Variants in PTPRH observed in about 807,000 individuals in gnomAD.
PTPRH encodes receptor-type tyrosine-protein phosphatase H.
PTPRH carries 113 observed loss-of-function variants against 130.2 expected under a neutral mutation model. The observed-to-expected ratio is 0.87, with a 90% CI of 0.75 to 1.01. PTPRH has a LOEUF of 1.01. Ranked by LOEUF, PTPRH falls within the 50% of genes least tolerant of loss-of-function variation. The pLI is 0.00. For missense variants in PTPRH, 1,430 were observed against 1,425.0 expected, an observed-to-expected ratio of 1.00 and a Z score of -0.06; for synonymous variants, 556 against 577.9, an observed-to-expected ratio of 0.96 and a Z score of 0.54.
chr19:55,206,970 G>A lies in PTPRH; in HGVS notation c.86-15C>T. ...TGGGTTGGGGGCTGAGAATTGGGAA[G>A]GAAGGTCTGACAAAAAGGGAACCAG... On this transcript the variant is annotated splice_polypyrimidine_tract_variant and intron_variant, in intron 2 of 19. Transcript: ENST00000376350. The A allele has an allele frequency of 1.3e-6, 2 of 1,576,136 alleles. No homozygotes were observed. The highest frequency in any genetic ancestry group is 1.7e-6 in the Non-Finnish European group (2 of 1,159,060).
intron 1 of PTPRH, among the ~76,000 whole-genome samples, chr19:55,207,588 G>A (rs1297151188): frequency 6.7e-6 from 1 of 148,656 alleles, no homozygotes; most frequent in Non-Finnish European, 1.5e-5. Context: ...GGGGCCTGGG[G>A]GCCTGGGTCT....
Position 55,194,145 on chromosome 19 carries a change from TG to T in PTPRH, c.2257+2376del, listed in dbSNP as rs2147471054. ...GATTACAGGCGTGAGCCACCGCGCC[TG>T]GCTGATCTGGTGGTGTCTATGGGTG... On this transcript the variant is annotated intron_variant, in intron 10 of 19. Coordinates refer to ENST00000376350, the MANE Select transcript of PTPRH (RefSeq NM_002842.5). 3.1e-6 allele frequency: 4 copies of T among 1,288,062 alleles called. No individual in the cohort carries two copies. The South Asian group carries it at 3.7e-5, about 12-fold the overall frequency. 79.8% of individuals were successfully genotyped at this position (1,288,062 alleles called of 1,614,324 possible). A position where few individuals can be genotyped will look rare whatever the true frequency, so the allele number is the denominator to read the frequency against.
chr19:55,185,377 C>A, intron 18 of PTPRH, 125 bp downstream of exon 18: 1 of 1,047,954 alleles, frequency 9.5e-7, no homozygotes, highest in Non-Finnish European at 1.4e-6. Flanking sequence ...TTATCTTCCA[C>A]ATCCACCTCC....
chr19:55,185,990 G>A lies in PTPRH; in HGVS notation c.2779-6C>T, dbSNP rs759552258. The A allele has an allele frequency of 6.2e-7, 1 of 1,613,898 alleles. No homozygotes were observed. The highest frequency in any genetic ancestry group is 1.1e-5 in the South Asian group (1 of 91,086). ...CAGTAATGCTCACACTTCACCTGGG[G>A]GAGGAGGAGGGGTCAGAGAACACAA... On this transcript the variant is annotated splice_region_variant and splice_polypyrimidine_tract_variant and intron_variant, in intron 16 of 19. Transcript: ENST00000376350.
chr19:55,189,472 A>G (rs1255851577), intron 12 of PTPRH, among the ~76,000 whole-genome samples: 3 of 151,864 alleles, frequency 2.0e-5, no homozygotes, highest in African/African-American at 7.3e-5. Flanking sequence ...CTCACTTCCC[A>G]CTGCCCTCCC....
At chr19:55,183,803 CA>C (rs1238190233) in intron 18 of PTPRH, among the ~76,000 whole-genome samples, 1 of 152,214 alleles carries the variant, frequency 6.6e-6, no homozygotes, top group Non-Finnish European at 1.5e-5. Flanking sequence ...TATCTACTTG[CA>C]AAACACTTTC....
intron 10 of PTPRH, among the ~76,000 whole-genome samples, chr19:55,192,518 T>C (rs1365969998): frequency 6.6e-6 from 1 of 152,052 alleles, no homozygotes; most frequent in African/African-American, 2.4e-5. Context: ...AGTAGTTAAG[T>C]TTTGGGGGAG....
intron 1 of PTPRH, chr19:55,207,411 G>C (rs1398664062): frequency 5.3e-6 from 3 of 561,852 alleles, no homozygotes; most frequent in Non-Finnish European, 9.6e-6. Flanking sequence ...AGCTTAGGGA[G>C]CTGGGGTTGG....
In PTPRH at chr19:55,209,256, C is replaced by A; in HGVS notation, c.51+127G>T. On this transcript the variant is annotated intron_variant, in intron 1 of 19. Transcript: ENST00000376350. This position sits in a 1 kb window ranked among gnomAD's most constrained non-coding sequence, Gnocchi z 4.1. ...CTACAGTCTCTGCCAAGCCTGAAGC[C>A]CTCTTCCTTCTCCAGGGGATCTTCA... The A allele has an allele frequency of 1.2e-6, 1 of 818,816 alleles. No individual in the cohort carries two copies. The highest frequency in any genetic ancestry group is 2.1e-6 in the Non-Finnish European group (1 of 484,564). The allele number at this position is 818,816 out of a possible 1,614,324, so 50.7% of individuals were successfully genotyped here.
chr19:55,199,574 C>T (rs1168941458), intron 7 of PTPRH, among the ~76,000 whole-genome samples: 1 of 151,052 alleles, frequency 6.6e-6, no homozygotes, highest in Non-Finnish European at 1.5e-5. Context: ...TATTGCACTC[C>T]AGCCTGAGTG....
intron 10 of PTPRH, 56 bp from the exon 11 acceptor site, chr19:55,191,797 T>A (rs372750107): frequency 6.9e-7 from 1 of 1,445,142 alleles, no homozygotes; most frequent in Admixed American, 1.7e-5. Context: ...TGCTCATCTG[T>A]CTCCAACCCT....
chr19:55,196,544 CACAG>C lies in PTPRH; in HGVS notation c.2231_2234del (p.Ser744TrpfsTer28), dbSNP rs1269267599. On this transcript the variant is annotated frameshift_variant, in exon 10 of 20. Coordinates refer to ENST00000376350, the MANE Select transcript of PTPRH (RefSeq NM_002842.5). LOFTEE classifies it high-confidence loss of function. ...CACCTGCACTCTCGGTGTGGCAGACCACAGAGTGAGACACGACCTTCATTCCGTC... is the reference window on the plus strand; with the variant it reads ...CACCTGCACTCTCGGTGTGGCAGACCAGTGAGACACGACCTTCATTCCGTC... 6.2e-7 allele frequency: 1 copy of C among 1,612,396 alleles called. No homozygotes were observed. Among genetic ancestry groups the C allele is most frequent in the South Asian group, 1.1e-5 (1 of 90,996 alleles).
At chr19:55,204,154 C>T (rs2086968409) in intron 4 of PTPRH, 106 bp from the exon 5 acceptor site, 1 of 1,286,742 alleles carries the variant, frequency 7.8e-7, no homozygotes, top group African/African-American at 1.5e-5. Flanking sequence ...GAGTCTCTGT[C>T]TGTCATCCAG....
chr19:55,189,854 C>T (rs1018156044), intron 12 of PTPRH: 6 of 414,144 alleles, frequency 1.4e-5, no homozygotes, highest in Admixed American at 5.1e-5. Context: ...ATTAGCCAGG[C>T]ATTGTGGTGC....
In PTPRH at chr19:55,209,057, C is replaced by G. The variant is rs2087160921; in HGVS notation, c.51+326G>C. 6.6e-6 allele frequency among the ~76,000 whole-genome samples: 1 copy of G among 151,886 alleles called. No individual in the cohort carries two copies. The highest frequency in any genetic ancestry group is 1.9e-4 in the East Asian group (1 of 5,182). On this transcript the variant is annotated intron_variant, in intron 1 of 19. Coordinates refer to ENST00000376350, the MANE Select transcript of PTPRH (RefSeq NM_002842.5). The surrounding 1 kb of genome is among the most constrained non-coding windows in gnomAD (Gnocchi z 4.1). ...AGGGGCTGCTTCCTGTCCGTGAGCACAGCTGTGTGTTGCCTGAAGCCAGTG... is the reference window on the plus strand; with the variant it reads ...AGGGGCTGCTTCCTGTCCGTGAGCAGAGCTGTGTGTTGCCTGAAGCCAGTG...
At chr19:55,196,999 C>T (rs2086703425) in intron 9 of PTPRH, 118 bp downstream of exon 9, 3 of 1,341,752 alleles carry the variant, frequency 2.2e-6, no homozygotes, top group Non-Finnish European at 2.0e-6. Flanking sequence ...TCCATCACTG[C>T]AGCTCATGAA....
chr19:55,182,914 C>T (rs1481316085), intron 18 of PTPRH, among the ~76,000 whole-genome samples: 5 of 151,890 alleles, frequency 3.3e-5, no homozygotes, highest in Non-Finnish European at 7.4e-5. Context: ...CCTGTCTCAG[C>T]CTCCTGAGTA....
intron 8 of PTPRH, 91 bp from the exon 9 acceptor site, chr19:55,197,507 A>C (rs1199267967): frequency 1.6e-6 from 2 of 1,258,038 alleles, no homozygotes; most frequent in South Asian, 2.8e-5. Flanking sequence ...AAGCTGAGAT[A>C]TCCATTATTG....
chr19:55,189,754 A>T (rs1489090569), intron 12 of PTPRH: 1 of 455,324 alleles, frequency 2.2e-6, no homozygotes, highest in South Asian at 1.6e-5. Flanking sequence ...GCCGAGGTGG[A>T]AGGGCTGCTT....
Sources: allele counts gnomAD v4.1 joint callset (sites outside exome capture counted in the v4.1 genomes callset), GRCh38; gene constraint gnomAD v4.1.1; non-coding constraint Gnocchi (gnomAD v3.1); transcripts MANE v1.5; gene names NCBI Gene and HGNC (gene_info 2026-07-23, HGNC 2026-07-21).